The following SGCZ variants were observed in gnomAD, a reference collection of about 807,000 sequenced individuals.
SGCZ encodes zeta-sarcoglycan.
In SGCZ, 40 loss-of-function variants were observed where a neutral mutation model predicts 41.3. That is an observed-to-expected ratio of 0.97 (90% confidence interval 0.75 to 1.26). The LOEUF (loss-of-function observed/expected upper bound fraction) is 1.26. SGCZ is among the 50% of genes most tolerant of loss of function. The pLI, the probability that SGCZ is intolerant of heterozygous loss-of-function variation, is 0.00. For missense variants in SGCZ, 552 were observed against 369.8 expected, an observed-to-expected ratio of 1.49 and a Z score of -4.04; for synonymous variants, 206 against 137.5, an observed-to-expected ratio of 1.50 and a Z score of -3.49.
At chr8:14,597,506 T>G (rs917950788) in intron 1 of SGCZ, among the ~76,000 whole-genome samples, 4 of 152,208 alleles carry the variant, frequency 2.6e-5, no homozygotes, top group Admixed American at 2.6e-4. Flanking sequence ...TTCACTCTTT[T>G]TGGCCAGGCT....
chr8:14,729,941 C>T (rs1006889859), intron 1 of SGCZ, among the ~76,000 whole-genome samples: 5 of 152,024 alleles, frequency 3.3e-5, no homozygotes, highest in African/African-American at 9.7e-5. Flanking sequence ...AGAAATTAGC[C>T]GGGCATGGTA....
chr8:14,316,235 A>G (rs1801710850), intron 3 of SGCZ, among the ~76,000 whole-genome samples: 1 of 151,994 alleles, frequency 6.6e-6, no homozygotes, highest in Non-Finnish European at 1.5e-5. Context: ...AATGAAATAT[A>G]GGGAGAAAAA....
chr8:15,155,482 T>A (rs1799302316), intron 1 of SGCZ, among the ~76,000 whole-genome samples: 2 of 152,172 alleles, frequency 1.3e-5, no homozygotes, highest in South Asian at 4.1e-4. Flanking sequence ...CAATTTTTAG[T>A]ATTCTAGAAA....
At chr8:14,765,101 A>G (rs1432741767) in intron 1 of SGCZ, among the ~76,000 whole-genome samples, 1 of 152,228 alleles carries the variant, frequency 6.6e-6, no homozygotes, top group Non-Finnish European at 1.5e-5. Context: ...ACTGTGGCCC[A>G]GAGCTCACAG....
At chr8:15,090,756 C>G (rs947740681) in intron 1 of SGCZ, among the ~76,000 whole-genome samples, 1 of 152,126 alleles carries the variant, frequency 6.6e-6, no homozygotes, top group African/African-American at 2.4e-5. Flanking sequence ...TAGTTTGGGA[C>G]TAATCTCACC....
At chr8:14,887,918 T>C (rs1804871077) in intron 1 of SGCZ, among the ~76,000 whole-genome samples, 1 of 152,106 alleles carries the variant, frequency 6.6e-6, no homozygotes, top group African/African-American at 2.4e-5. Flanking sequence ...TACCAGAAAC[T>C]GGGATCTGAG....
chr8:14,494,550 A>G (rs1269069017), intron 2 of SGCZ, among the ~76,000 whole-genome samples: 1 of 152,094 alleles, frequency 6.6e-6, no homozygotes, highest in Non-Finnish European at 1.5e-5. Context: ...ACACACACAC[A>G]CGCTCCTTAC....
At chr8:15,018,385 G>T (rs1048383036) in intron 1 of SGCZ, among the ~76,000 whole-genome samples, 4 of 152,098 alleles carry the variant, frequency 2.6e-5, no homozygotes, top group Non-Finnish European at 5.9e-5. Context: ...AAAATACCAG[G>T]GAGTAATCAG....
chr8:14,210,058 G>T (rs955020321), intron 4 of SGCZ, among the ~76,000 whole-genome samples: 1 of 152,022 alleles, frequency 6.6e-6, no homozygotes, highest in Non-Finnish European at 1.5e-5. Context: ...TTGTTTGTTT[G>T]TTTGTTTCTC....
At chr8:15,072,128 A>G (rs1378035) in intron 1 of SGCZ, among the ~76,000 whole-genome samples, 81,869 of 151,664 alleles carry the variant, frequency 0.54, 23,280 homozygotes, top group Admixed American at 0.65. Context: ...AGTACTCTCC[A>G]TCTTCCTGGT....
chr8:14,165,832 C>A (rs1174618312), intron 4 of SGCZ, among the ~76,000 whole-genome samples: 1 of 152,022 alleles, frequency 6.6e-6, no homozygotes, highest in African/African-American at 2.4e-5. Flanking sequence ...AGATGTGTCG[C>A]TTCTAGTAGC....
chr8:14,809,129 T>C (rs1394734995), intron 1 of SGCZ, among the ~76,000 whole-genome samples: 4 of 151,864 alleles, frequency 2.6e-5, no homozygotes, highest in African/African-American at 4.8e-5. Context: ...TACCTAATGC[T>C]AGATGACAAG....
At chr8:14,497,757 G>C (rs183007000) in intron 2 of SGCZ, among the ~76,000 whole-genome samples, 217 of 152,066 alleles carry the variant, frequency 1.4e-3, no homozygotes, top group African/African-American at 5.1e-3. Flanking sequence ...CCTCCCACTG[G>C]GTCCCACCAC....
intron 1 of SGCZ, among the ~76,000 whole-genome samples, chr8:14,610,189 C>T: frequency 6.6e-6 from 1 of 152,084 alleles, no homozygotes; most frequent in Non-Finnish European, 1.5e-5. Flanking sequence ...GTGGCCCCAA[C>T]CTATATTACA....
chr8:14,669,385 G>GTAAGTAAA (rs1465447907), intron 1 of SGCZ, among the ~76,000 whole-genome samples: 1 of 55,128 alleles, frequency 1.8e-5, no homozygotes, highest in Non-Finnish European at 2.9e-5. Flanking sequence ...AAGTAAGTAA[G>GTAAGTAAA]TAAATAAATA....
At chr8:14,566,651 C>T (rs548057688) in intron 1 of SGCZ, among the ~76,000 whole-genome samples, 1 of 152,344 alleles carries the variant, frequency 6.6e-6, no homozygotes, top group Non-Finnish European at 1.5e-5. Context: ...TGAGAGGTGA[C>T]AGCATGCTGG....
Position 14,811,253 on chromosome 8 carries a change from C to T in SGCZ, c.40-256327G>A, listed in dbSNP as rs190510609. On this transcript the variant is annotated intron_variant, in intron 1 of 7. Coordinates refer to ENST00000382080, the MANE Select transcript of SGCZ (RefSeq NM_139167.4). ...TTAGTGTCCTTATAATAAATAAATGCTGTGAACTGAAACTTACAATAAAAA... is the reference window on the plus strand; with the variant it reads ...TTAGTGTCCTTATAATAAATAAATGTTGTGAACTGAAACTTACAATAAAAA... 3.9e-4 allele frequency among the ~76,000 whole-genome samples: 59 copies of T among 151,980 alleles called. No individual in the cohort carries two copies. In the Middle Eastern group the frequency reaches 0.01, roughly 26 times the overall value.
intron 1 of SGCZ, among the ~76,000 whole-genome samples, chr8:15,023,865 TTCTTC>T (rs1803349162): frequency 6.6e-6 from 1 of 152,198 alleles, no homozygotes; most frequent in African/African-American, 2.4e-5. Context: ...CCTGACTGAC[TTCTTC>T]TGTTTATTCT....
At chr8:14,289,945 A>C (rs1800782299) in intron 3 of SGCZ, among the ~76,000 whole-genome samples, 1 of 152,008 alleles carries the variant, frequency 6.6e-6, no homozygotes, top group African/African-American at 2.4e-5. Flanking sequence ...CCTTCTTCAT[A>C]AGGCAGGAGA....
Sources: gnomAD v4.1 joint callset for allele counts (sites outside exome capture counted in the v4.1 genomes callset) on GRCh38, gnomAD v4.1.1 for gene constraint, MANE v1.5 for transcripts, NCBI Gene and HGNC (gene_info 2026-07-23, HGNC 2026-07-21) for gene names.